CHIC2: variants seen among roughly 807,000 people sequenced by gnomAD.
The protein encoded by CHIC2 is cysteine rich hydrophobic domain 2, also known as cysteine-rich hydrophobic domain-containing protein 2.
Under a neutral mutation model 25.9 loss-of-function variants are expected in CHIC2, and 14 were observed. The observed-to-expected ratio is 0.54, with a 90% CI of 0.36 to 0.85. CHIC2 has a LOEUF of 0.85. CHIC2 is among the 40% of genes least tolerant of loss of function. CHIC2 has a pLI of 0.01. For synonymous variants in CHIC2, 70 were observed against 72.0 expected, an observed-to-expected ratio of 0.97 and a Z score of 0.14; for missense variants, 146 against 202.0, an observed-to-expected ratio of 0.72 and a Z score of 1.68.
intron 3 of CHIC2, among the ~76,000 whole-genome samples, chr4:54,025,854 CAA>C (rs66736321): frequency 3.4e-4 from 37 of 109,736 alleles, no homozygotes; most frequent in East Asian, 5.8e-4. Context: ...GACCCTGTCT[CAA>C]AAAAAAAAAA....
At chr4:54,049,721 C>T (rs1283963637) in intron 1 of CHIC2, among the ~76,000 whole-genome samples, 1 of 151,056 alleles carries the variant, frequency 6.6e-6, no homozygotes, top group Non-Finnish European at 1.5e-5. Flanking sequence ...CCTACACAAG[C>T]AATAAGATGA....
At position 54,048,921 on chromosome 4, in the gene CHIC2, CTAAATT is replaced by C. The variant is rs1314128677; in HGVS notation, c.330+28_330+33del. 2.0e-6 allele frequency: 3 copies of C among 1,474,902 alleles called. No individual in the cohort carries two copies. The Admixed American group carries it at 7.8e-5, about 38-fold the overall frequency. The allele number at this position is 1,474,902 out of a possible 1,614,324, so 91.4% of individuals were successfully genotyped here. A position where few individuals can be genotyped will look rare whatever the true frequency, so the allele number is the denominator to read the frequency against. ...AAATGCAAGACTTGCTTGTCCACTT[CTAAATT>C]TAAATTAAAATATATAATTCAACTT... On this transcript the variant is annotated intron_variant, in intron 3 of 5. Coordinates refer to ENST00000263921, the MANE Select transcript of CHIC2 (RefSeq NM_012110.4).
the CHIC2 span, among the ~76,000 whole-genome samples, chr4:54,070,291 T>C: frequency 6.6e-6 from 1 of 152,238 alleles, no homozygotes; most frequent in Admixed American, 6.5e-5. Flanking sequence ...GGAAACTTGA[T>C]GGCCTTTGTA....
chr4:54,041,418 A>C (rs775162318), intron 3 of CHIC2, among the ~76,000 whole-genome samples: 43 of 152,134 alleles, frequency 2.8e-4, no homozygotes, highest in Non-Finnish European at 5.9e-4. Context: ...GAATCTGTGA[A>C]AGTGAGTGAA....
At chr4:54,028,993 T>G (rs1048478126) in intron 3 of CHIC2, among the ~76,000 whole-genome samples, 1 of 151,986 alleles carries the variant, frequency 6.6e-6, no homozygotes, top group Non-Finnish European at 1.5e-5. Flanking sequence ...CGTGGTGGTG[T>G]GCACCTATAG....
intron 3 of CHIC2, among the ~76,000 whole-genome samples, chr4:54,045,667 T>G (rs1219338483): frequency 1.3e-5 from 2 of 151,902 alleles, no homozygotes; most frequent in Non-Finnish European, 2.9e-5. Flanking sequence ...ATAAGAGCTA[T>G]CTATGACAAA....
At chr4:54,040,786 G>A (rs1245812843) in intron 3 of CHIC2, among the ~76,000 whole-genome samples, 2 of 150,466 alleles carry the variant, frequency 1.3e-5, no homozygotes, top group African/African-American at 2.4e-5. Context: ...GCTGAGGCAG[G>A]AGAATTGCTT....
chr4:54,024,973 C>T (rs564028842), intron 3 of CHIC2, among the ~76,000 whole-genome samples: 7 of 152,276 alleles, frequency 4.6e-5, no homozygotes, highest in East Asian at 3.9e-4. Context: ...TAGGTTCCCA[C>T]GCCGCCCCTA....
At chr4:54,038,726 A>G (rs1472256069) in intron 3 of CHIC2, among the ~76,000 whole-genome samples, 2 of 152,208 alleles carry the variant, frequency 1.3e-5, no homozygotes, top group African/African-American at 2.4e-5. Context: ...AAAACTTACT[A>G]TAAAGCTACA....
At chr4:54,063,614 T>C (rs980697175) in intron 1 of CHIC2, among the ~76,000 whole-genome samples, 3 of 152,248 alleles carry the variant, frequency 2.0e-5, no homozygotes, top group Non-Finnish European at 4.4e-5. Context: ...TCTTTCTGTA[T>C]ATCTTAAATT....
At chr4:54,064,705 G>C, upstream of CHIC2, 1 of 992,040 alleles carries the variant, frequency 1.0e-6, no homozygotes, top group Non-Finnish European at 1.2e-6. The surrounding 1 kb of genome is among the most constrained non-coding windows in gnomAD (Gnocchi z 4.2). Flanking sequence ...GGGCGCGTGG[G>C]CGAGCGGACT....
chr4:54,015,305 T>C (rs1715705603), intron 3 of CHIC2, among the ~76,000 whole-genome samples: 2 of 152,100 alleles, frequency 1.3e-5, no homozygotes, highest in Admixed American at 1.3e-4. Context: ...ATGACTAATT[T>C]ATTACATTAC....
chr4:54,087,654 T>G, the CHIC2 span: 2 of 564,932 alleles, frequency 3.5e-6, no homozygotes, highest in African/African-American at 2.0e-5. Flanking sequence ...TATCCCTTGA[T>G]GAGAAGAGCC....
chr4:54,080,982 A>T, the CHIC2 span, among the ~76,000 whole-genome samples: 1 of 124,688 alleles, frequency 8.0e-6, no homozygotes, highest in East Asian at 2.2e-4. Context: ...ATATATATAT[A>T]TATAAAATCA....
chr4:54,033,358 GTCTGT>G (rs1387276974), intron 3 of CHIC2, among the ~76,000 whole-genome samples: 1 of 152,124 alleles, frequency 6.6e-6, no homozygotes, highest in African/African-American at 2.4e-5. Flanking sequence ...TTGGTGAGGT[GTCTGT>G]TCTAAATTTT....
At chr4:54,087,455 G>C in the CHIC2 span, 2 of 696,784 alleles carry the variant, frequency 2.9e-6, no homozygotes, top group Non-Finnish European at 4.5e-6. Flanking sequence ...GGCATAGGCA[G>C]TTAATGAAAT....
chr4:54,029,681 GTTTC>G (rs1249457495), intron 3 of CHIC2, among the ~76,000 whole-genome samples: 1 of 152,130 alleles, frequency 6.6e-6, no homozygotes, highest in Non-Finnish European at 1.5e-5. Flanking sequence ...TCATCTAAAT[GTTTC>G]TTTCTCATTT....
the CHIC2 span, among the ~76,000 whole-genome samples, chr4:54,079,024 C>A: frequency 6.6e-6 from 1 of 151,088 alleles, no homozygotes; most frequent in South Asian, 2.1e-4. Flanking sequence ...CGAGACCAGC[C>A]TAGCCAACAT....
chr4:54,080,962 A>G, the CHIC2 span, among the ~76,000 whole-genome samples: 456 of 134,772 alleles, frequency 3.4e-3, 9 homozygotes, highest in South Asian at 0.023. Flanking sequence ...ATATATATAT[A>G]TATATATATA....
Sources: allele counts gnomAD v4.1 joint callset (sites outside exome capture counted in the v4.1 genomes callset), GRCh38; gene constraint gnomAD v4.1.1; non-coding constraint Gnocchi (gnomAD v3.1); transcripts MANE v1.5; gene names NCBI Gene and HGNC (gene_info 2026-07-23, HGNC 2026-07-21).